The following NTRK2 variants were observed in gnomAD, a reference collection of about 807,000 sequenced individuals.
NTRK2 encodes BDNF/NT-3 growth factors receptor.
Under a neutral mutation model 94.5 loss-of-function variants are expected in NTRK2, and 13 were observed. That is an observed-to-expected ratio of 0.14 (90% CI 0.09 to 0.22). NTRK2 has a LOEUF of 0.22. Ranked by LOEUF, NTRK2 falls within the 10% of genes least tolerant of loss-of-function variation. NTRK2 has a pLI of 1.00. For synonymous variants in NTRK2, 372 were observed against 407.4 expected (o/e 0.91, Z 1.05); for missense variants, 639 against 1,071.2 (o/e 0.60, Z 5.63).
intron 14 of NTRK2, among the ~76,000 whole-genome samples, chr9:84,897,610 C>T (rs1341223926): frequency 2.6e-5 from 4 of 152,184 alleles, no homozygotes; most frequent in Non-Finnish European, 4.4e-5. Context: ...CTTGTTCTGT[C>T]CCTGGACAAA....
intron 14 of NTRK2, chr9:84,876,497 A>G: frequency 3.8e-6 from 4 of 1,055,524 alleles, no homozygotes; most frequent in African/African-American, 1.6e-5. Flanking sequence ...AGGAATAGAG[A>G]GGCACTAACT....
In NTRK2 at chr9:84,675,391, T is replaced by C. The variant is rs2058988379; in HGVS notation, c.212+4431T>C. ...GCAAGTGCATCCAGTTTTAACTCATTGGTCATCTTGCCTGCTAGGGAAAAA... is the reference window on the plus strand; with the variant it reads ...GCAAGTGCATCCAGTTTTAACTCATCGGTCATCTTGCCTGCTAGGGAAAAA... On this transcript the variant is annotated intron_variant, in intron 2 of 18. Transcript: ENST00000277120. Among the ~76,000 whole-genome samples the C allele has an allele frequency of 2.0e-5, 3 of 147,170 alleles. No homozygotes were observed. In the South Asian group the frequency reaches 6.7e-4, roughly 33 times the overall value.
At chr9:84,688,049 G>T (rs542029424) in intron 2 of NTRK2, among the ~76,000 whole-genome samples, 1 of 152,254 alleles carries the variant, frequency 6.6e-6, no homozygotes, top group South Asian at 2.1e-4. Context: ...TCCATGGCTT[G>T]GTGCACCCTC....
At chr9:84,676,697 T>G (rs2059078383) in intron 2 of NTRK2, among the ~76,000 whole-genome samples, 1 of 152,190 alleles carries the variant, frequency 6.6e-6, no homozygotes, top group Admixed American at 6.5e-5. Flanking sequence ...CCCTCCGTTC[T>G]GTGTTCTCAA....
chr9:84,971,177 C>A (rs868063161), intron 17 of NTRK2, among the ~76,000 whole-genome samples: 1 of 152,148 alleles, frequency 6.6e-6, no homozygotes, highest in Non-Finnish European at 1.5e-5. Flanking sequence ...CAGAAAGAAT[C>A]AAAATAGGAA....
At chr9:84,810,976 C>G (rs2071715775) in intron 12 of NTRK2, 1 of 1,114,634 alleles carries the variant, frequency 9.0e-7, no homozygotes, top group Non-Finnish European at 1.1e-6. Flanking sequence ...AATTGACCTG[C>G]AAAGTTAAAA....
upstream of NTRK2, chr9:84,669,722 C>T (rs964729833): frequency 6.5e-6 from 1 of 153,782 alleles, no homozygotes; most frequent in Non-Finnish European, 1.4e-5. This position sits in a 1 kb window ranked among gnomAD's most constrained non-coding sequence, Gnocchi z 4.1. Flanking sequence ...CGTCAGCCCT[C>T]ACGTCACTTC....
chr9:84,708,070 A>C (rs41277881), intron 5 of NTRK2, among the ~76,000 whole-genome samples, 158 bp downstream of exon 5: 5 of 152,286 alleles, frequency 3.3e-5, no homozygotes, highest in Non-Finnish European at 5.9e-5. Flanking sequence ...TTATTCCTTC[A>C]AGGTTTATTA....
chr9:85,003,818 G>C (rs1449020128), intron 17 of NTRK2, among the ~76,000 whole-genome samples: 1 of 151,182 alleles, frequency 6.6e-6, no homozygotes, highest in Non-Finnish European at 1.5e-5. Flanking sequence ...AAGATGGGGG[G>C]AATGGGGTGC....
At position 84,854,821 on chromosome 9, in the gene NTRK2, C is replaced by T. The variant is rs138957273; in HGVS notation, c.1397-6219C>T. On this transcript the variant is annotated intron_variant, in intron 12 of 18. Coordinates refer to ENST00000277120, the MANE Select transcript of NTRK2 (RefSeq NM_006180.6). ...AATTAGCCGGGCATGATGGCATGTGCCTGTAATCCCAGCTACTCTAGAGGC... is the reference window on the plus strand; with the variant it reads ...AATTAGCCGGGCATGATGGCATGTGTCTGTAATCCCAGCTACTCTAGAGGC... Among the ~76,000 whole-genome samples, 778 of 152,028 alleles carry T rather than the reference C, an allele frequency of 5.1e-3. 7 individuals are homozygous for T. Among genetic ancestry groups the T allele is most frequent in the Admixed American group, 9.2e-3 (140 of 15,272 alleles).
intron 6 of NTRK2, among the ~76,000 whole-genome samples, chr9:84,719,171 A>G (rs959084903): frequency 1.3e-5 from 2 of 152,144 alleles, no homozygotes; most frequent in African/African-American, 4.8e-5. Context: ...AGTGGTGAAG[A>G]CCCTGACCTT....
At chr9:84,705,237 G>A (rs953509957) in intron 4 of NTRK2, among the ~76,000 whole-genome samples, 4 of 152,046 alleles carry the variant, frequency 2.6e-5, no homozygotes, top group African/African-American at 9.7e-5. Flanking sequence ...CATGGGGACT[G>A]CCCAGAGCCC....
At chr9:84,827,236 A>G (rs1418335785) in intron 12 of NTRK2, among the ~76,000 whole-genome samples, 1 of 152,236 alleles carries the variant, frequency 6.6e-6, no homozygotes, top group Non-Finnish European at 1.5e-5. Flanking sequence ...CAGGCAAGTA[A>G]CAGTTAAAGG....
In NTRK2 at chr9:85,026,005, G is replaced by A. The variant is rs528860045; in HGVS notation, c.*4568G>A. ...ATGAATCACTGCTGCTCAAGTCAAA[G>A]GTTCTTGAATATCCTTAGTTTTTGC... On this transcript the variant is annotated 3_prime_UTR_variant, in exon 19 of 19. Coordinates refer to ENST00000277120, the MANE Select transcript of NTRK2 (RefSeq NM_006180.6). 6.9e-4 allele frequency: 161 copies of A among 232,106 alleles called. 1 individual carries two copies. Among genetic ancestry groups the A allele is most frequent in the African/African-American group, 3.5e-3 (157 of 45,354 alleles). The allele number at this position is 232,106 out of a possible 1,614,324, so 14.4% of individuals were successfully genotyped here. A position where few individuals can be genotyped will look rare whatever the true frequency, so the allele number is the denominator to read the frequency against.
chr9:84,787,712 T>G (rs762679595), intron 12 of NTRK2, among the ~76,000 whole-genome samples: 1 of 152,224 alleles, frequency 6.6e-6, no homozygotes, highest in Non-Finnish European at 1.5e-5. Context: ...AAAATAAGTA[T>G]TTCTTCAATT....
intron 14 of NTRK2, chr9:84,875,043 G>A (rs933820689): frequency 1.2e-5 from 13 of 1,058,752 alleles, no homozygotes; most frequent in African/African-American, 1.6e-5. Flanking sequence ...AAGATGAAAC[G>A]AAAAGTCCCA....
intron 17 of NTRK2, among the ~76,000 whole-genome samples, chr9:84,978,617 G>C (rs1827195164): frequency 6.6e-6 from 1 of 152,160 alleles, no homozygotes; most frequent in African/African-American, 2.4e-5. Flanking sequence ...CTCTAGCTAA[G>C]ATCATTCATG....
intron 11 of NTRK2, 95 bp downstream of exon 11, chr9:84,745,168 G>C: frequency 1.2e-6 from 1 of 847,862 alleles, no homozygotes; most frequent in Admixed American, 1.9e-5. Context: ...CACTTTTATT[G>C]TTCAGATATA....
chr9:84,901,735 C>T (rs1256152908), intron 14 of NTRK2, among the ~76,000 whole-genome samples: 2 of 152,134 alleles, frequency 1.3e-5, no homozygotes. Context: ...TAACCCCAGT[C>T]CAGTCCAGGG....
Sources: allele counts gnomAD v4.1 joint callset (sites outside exome capture counted in the v4.1 genomes callset), GRCh38; gene constraint gnomAD v4.1.1; non-coding constraint Gnocchi (gnomAD v3.1); transcripts MANE v1.5; gene names NCBI Gene and HGNC (gene_info 2026-07-23, HGNC 2026-07-21).